FAM107B: variants seen among roughly 807,000 people sequenced by gnomAD.
FAM107B encodes protein FAM107B.
FAM107B carries 21 observed loss-of-function variants against 31.5 expected under a neutral mutation model. The ratio of observed to expected loss-of-function variants is 0.67; its 90% CI spans 0.47 to 0.96. FAM107B has a LOEUF of 0.96. FAM107B is among the 40% of genes least tolerant of loss of function. The probability of loss-of-function intolerance (pLI) is 0.00; values close to 1 mark genes in which losing one functional copy is unlikely to be tolerated. For missense variants in FAM107B, 452 were observed against 377.1 expected, an observed-to-expected ratio of 1.20 and a Z score of -1.64; for synonymous variants, 157 against 141.5, an observed-to-expected ratio of 1.11 and a Z score of -0.78.
At chr10:14,627,705 C>T (rs749679067) in intron 2 of FAM107B, among the ~76,000 whole-genome samples, 3 of 152,026 alleles carry the variant, frequency 2.0e-5, no homozygotes, top group Non-Finnish European at 4.4e-5. Flanking sequence ...CCCAGGAGTT[C>T]AAGGCTGCAG....
intron 2 of FAM107B, among the ~76,000 whole-genome samples, chr10:14,629,195 C>T (rs1389057630): frequency 1.7e-5 from 2 of 118,126 alleles, no homozygotes; most frequent in African/African-American, 3.1e-5. Flanking sequence ...TATATATATA[C>T]TATATATATA....
intron 2 of FAM107B, among the ~76,000 whole-genome samples, chr10:14,604,607 C>T (rs1852537259): frequency 6.6e-6 from 1 of 151,972 alleles, no homozygotes; most frequent in South Asian, 2.1e-4. Flanking sequence ...GCCTCCGGGA[C>T]TCGGTGGGAG....
At chr10:14,647,960 C>A (rs549328764) in intron 2 of FAM107B, among the ~76,000 whole-genome samples, 1 of 146,504 alleles carries the variant, frequency 6.8e-6, no homozygotes, top group South Asian at 2.1e-4. Flanking sequence ...AAGTCTTCTG[C>A]GGAGAAACTG....
chr10:14,643,864 G>A (rs532946989), intron 2 of FAM107B, among the ~76,000 whole-genome samples: 2 of 152,262 alleles, frequency 1.3e-5, no homozygotes, highest in East Asian at 1.9e-4. Context: ...AGACCCTCAG[G>A]TATATGATTT....
At chr10:14,729,501 G>GA (rs921463717) in intron 1 of FAM107B, among the ~76,000 whole-genome samples, 12 of 55,598 alleles carry the variant, frequency 2.2e-4, no homozygotes, top group Admixed American at 1.3e-3. Flanking sequence ...GAGTGTCAGG[G>GA]GGCATAAGTA....
intron 1 of FAM107B, among the ~76,000 whole-genome samples, chr10:14,766,551 G>A (rs185427281): frequency 3.3e-5 from 5 of 152,210 alleles, no homozygotes; most frequent in Admixed American, 6.5e-5. Flanking sequence ...GTAGGGATTT[G>A]ATTTTTACTC....
At chr10:14,551,024 C>A (rs972886949) in intron 2 of FAM107B, among the ~76,000 whole-genome samples, 1 of 152,062 alleles carries the variant, frequency 6.6e-6, no homozygotes, top group African/African-American at 2.4e-5. Flanking sequence ...AGCTTAATTA[C>A]AGTAGGATAG....
rs1263592779 is a variant in FAM107B, at chr10:14,568,555, TCAGGTAAGAGGAGGC to T, written c.470-38055_470-38041del. 1.0e-3 allele frequency among the ~76,000 whole-genome samples: 156 copies of T among 150,628 alleles called. 1 individual carries two copies. The highest frequency in any genetic ancestry group is 3.4e-3 in the Middle Eastern group (1 of 294). On this transcript the variant is annotated intron_variant, in intron 2 of 4. Transcript: ENST00000181796. ...GGGTTAGACCAGGAGGTGAAGATAC[TCAGGTAAGAGGAGGC>T]TGGCTGATGATCTCAGGGTTAGACC...
intron 2 of FAM107B, among the ~76,000 whole-genome samples, chr10:14,549,841 C>A (rs1025774271): frequency 6.6e-6 from 1 of 152,178 alleles, no homozygotes; most frequent in East Asian, 1.9e-4. Context: ...CACAGGAAAA[C>A]TTAAAAGCTG....
chr10:14,552,470 T>C (rs1188646449), intron 2 of FAM107B, among the ~76,000 whole-genome samples: 2 of 52,820 alleles, frequency 3.8e-5, no homozygotes, highest in Non-Finnish European at 1.1e-4. Context: ...CACCCAACAA[T>C]GAAAAAAAAA....
At chr10:14,715,010 T>G (rs1740024963) in intron 1 of FAM107B, among the ~76,000 whole-genome samples, 1 of 152,146 alleles carries the variant, frequency 6.6e-6, no homozygotes, top group Admixed American at 6.6e-5. Flanking sequence ...CCGCCCATGG[T>G]CCTGTAGTGA....
At chr10:14,715,783 T>C (rs1855766337) in intron 1 of FAM107B, among the ~76,000 whole-genome samples, 1 of 152,148 alleles carries the variant, frequency 6.6e-6, no homozygotes, top group South Asian at 2.1e-4. Flanking sequence ...TTGACACAAG[T>C]GCCTCCCAAC....
chr10:14,628,112 G>GTTTTT (rs71505033), intron 2 of FAM107B, among the ~76,000 whole-genome samples: 1,060 of 92,598 alleles, frequency 0.011, 57 homozygotes, highest in South Asian at 0.026. Context: ...TGTTTTGCTG[G>GTTTTT]TTTTTTTTTT....
chr10:14,720,789 C>A (rs1046753530), intron 1 of FAM107B, among the ~76,000 whole-genome samples: 1 of 152,108 alleles, frequency 6.6e-6, no homozygotes. Flanking sequence ...GCTTTTATCA[C>A]CTTTCCCCTC....
chr10:14,667,562 G>A (rs1437693753), intron 2 of FAM107B, 72 bp downstream of exon 2: 1 of 1,502,556 alleles, frequency 6.7e-7, no homozygotes, highest in East Asian at 2.3e-5. Flanking sequence ...AATCTGAAAA[G>A]CCTTAGGATG....
chr10:14,565,853 G>A (rs1850620271), intron 2 of FAM107B, among the ~76,000 whole-genome samples: 1 of 152,180 alleles, frequency 6.6e-6, no homozygotes, highest in Non-Finnish European at 1.5e-5. Flanking sequence ...AGAGGGCAGG[G>A]GGATGTTTCA....
intron 2 of FAM107B, among the ~76,000 whole-genome samples, chr10:14,540,645 G>C (rs1848097893): frequency 1.3e-5 from 2 of 152,112 alleles, no homozygotes; most frequent in African/African-American, 2.4e-5. Flanking sequence ...CTCTTCTCTC[G>C]ATCATGCCTC....
intron 2 of FAM107B, among the ~76,000 whole-genome samples, chr10:14,649,385 T>C (rs1259909580): frequency 3.3e-5 from 5 of 152,244 alleles, no homozygotes; most frequent in Admixed American, 6.5e-5. Flanking sequence ...CCAGGTCTTT[T>C]TTCTGATCTA....
chr10:14,685,147 T>A lies in FAM107B; in HGVS notation c.412-17456A>T, dbSNP rs150222388. ...CCAGCCAATAACATCCTTTTATTTT[T>A]TTTTTTTTTTTTTTTTTTTGAGACA... On this transcript the variant is annotated intron_variant, in intron 1 of 4. Transcript: ENST00000181796. Among the ~76,000 whole-genome samples, 192 of 146,662 alleles carry A rather than the reference T, an allele frequency of 1.3e-3. No homozygotes were observed. In the Middle Eastern group the frequency reaches 0.014, roughly 11 times the overall value.
Sources: gnomAD v4.1 joint callset for allele counts (sites outside exome capture counted in the v4.1 genomes callset) on GRCh38, gnomAD v4.1.1 for gene constraint, MANE v1.5 for transcripts, NCBI Gene and HGNC (gene_info 2026-07-23, HGNC 2026-07-21) for gene names.